ABCA12: variants seen among roughly 807,000 people sequenced by gnomAD.
The protein encoded by ABCA12 is ATP binding cassette subfamily A member 12, also known as glucosylceramide transporter ABCA12.
In ABCA12, 156 loss-of-function variants were observed where a neutral mutation model predicts 293.5. The ratio of observed to expected loss-of-function variants is 0.53; its 90% confidence interval spans 0.47 to 0.61. ABCA12 has a LOEUF of 0.61. Among genes scored for constraint, ABCA12 ranks in the 20% least tolerant of loss-of-function variants. The probability of loss-of-function intolerance (pLI) is 0.00; values close to 1 mark genes in which losing one functional copy is unlikely to be tolerated. For synonymous variants in ABCA12, 1,063 were observed against 1,108.0 expected, an observed-to-expected ratio of 0.96 and a Z score of 0.81; for missense variants, 2,797 against 3,090.2, an observed-to-expected ratio of 0.91 and a Z score of 2.25.
intron 2 of ABCA12, among the ~76,000 whole-genome samples, chr2:215,071,433 C>T (rs1701737019): frequency 6.6e-6 from 1 of 151,222 alleles, no homozygotes; most frequent in Non-Finnish European, 1.5e-5. Flanking sequence ...CAAACATAAA[C>T]AATAAAATGC....
chr2:215,112,496 TG>T (rs1702595928), intron 1 of ABCA12, among the ~76,000 whole-genome samples: 2 of 122,358 alleles, frequency 1.6e-5, no homozygotes, highest in Middle Eastern at 4.3e-3. Flanking sequence ...GTTTTTTTTT[TG>T]TTTTTTTTTG....
In ABCA12 at chr2:214,937,505, C is replaced by T; in HGVS notation, c.7542+5G>A. 1 of 1,611,414 alleles carries T rather than the reference C, an allele frequency of 6.2e-7. No individual in the cohort carries two copies. Among genetic ancestry groups the T allele is most frequent in the South Asian group, 1.1e-5 (1 of 91,024 alleles). On this transcript the variant is annotated splice_donor_5th_base_variant and intron_variant, in intron 51 of 52. Coordinates refer to ENST00000272895, the MANE Select transcript of ABCA12 (RefSeq NM_173076.3). ...GAGCCACTGCACCCAGCCATCATCA[C>T]TTACTTTTAAGTATGTTTTTGGAAA...
intron 1 of ABCA12, among the ~76,000 whole-genome samples, chr2:215,126,136 G>T (rs992143872): frequency 3.9e-5 from 6 of 152,100 alleles, no homozygotes; most frequent in African/African-American, 1.4e-4. Context: ...TGCATCCCTG[G>T]TATGAAACCC....
In ABCA12 at chr2:215,033,742, T is replaced by C. The variant is rs191839158; in HGVS notation, c.986-1846A>G. Among the ~76,000 whole-genome samples, 967 of 151,978 alleles carry C rather than the reference T, an allele frequency of 6.4e-3. 9 individuals carry two copies. Among genetic ancestry groups the C allele is most frequent in the Non-Finnish European group, 9.1e-3 (621 of 67,954 alleles). ...ACATCACGAGGTCAGGAGATCGAGA[T>C]CATCCTGGCTAACACGGTGACACCC... On this transcript the variant is annotated intron_variant, in intron 8 of 52. Coordinates refer to ENST00000272895, the MANE Select transcript of ABCA12 (RefSeq NM_173076.3).
intron 2 of ABCA12, among the ~76,000 whole-genome samples, chr2:215,104,434 G>T (rs1702421238): frequency 6.6e-6 from 1 of 152,222 alleles, no homozygotes; most frequent in African/African-American, 2.4e-5. Flanking sequence ...GGAGCTGGGG[G>T]AGATGGACCA....
intron 7 of ABCA12, among the ~76,000 whole-genome samples, chr2:215,038,624 T>C (rs192881267): frequency 6.6e-6 from 1 of 152,318 alleles, no homozygotes; most frequent in Non-Finnish European, 1.5e-5. Context: ...TTCTCAGGTG[T>C]TGGGTTACTT....
At chr2:214,938,321 T>A (rs563925114) in intron 50 of ABCA12, among the ~76,000 whole-genome samples, 7 of 152,294 alleles carry the variant, frequency 4.6e-5, no homozygotes, top group African/African-American at 1.4e-4. Flanking sequence ...ACCATAGTAT[T>A]CCATGGGGTA....
intron 48 of ABCA12, 63 bp from the exon 49 acceptor site, chr2:214,945,167 T>C: frequency 7.6e-7 from 1 of 1,313,216 alleles, no homozygotes; most frequent in Non-Finnish European, 1.1e-6. Flanking sequence ...GTTCTTTTCA[T>C]GAATTACTGC....
In ABCA12 at chr2:214,950,999, A is replaced by C; in HGVS notation, c.6732T>G (p.Val2244=). The C allele has an allele frequency of 6.2e-7, 1 of 1,614,068 alleles. No individual in the cohort carries two copies. Among genetic ancestry groups the C allele is most frequent in the South Asian group, 1.1e-5 (1 of 91,080 alleles). The stretch of plus-strand genomic sequence containing the variant: ...AGTCAAATTCAGCTGCACCACTCTC[A>C]ACTCTTAATCTCTCAGCCCGCACAT... ...DEDVRAERLR[V]ESGAAEFDLV... Residue 2244 remains valine (V), a synonymous_variant, in exon 45 of 53, where the codon GTT becomes GTG. Transcript: ENST00000272895.
At chr2:215,102,598 C>CA (rs1702382385) in intron 2 of ABCA12, among the ~76,000 whole-genome samples, 1 of 152,118 alleles carries the variant, frequency 6.6e-6, no homozygotes, top group African/African-American at 2.4e-5. Context: ...GACCCTGTCT[C>CA]AAAAAAATAA....
chr2:214,982,945 T>TC (rs1298324409), intron 29 of ABCA12, among the ~76,000 whole-genome samples: 6 of 152,172 alleles, frequency 3.9e-5, no homozygotes, highest in Non-Finnish European at 8.8e-5. Context: ...ATGGTAGTCA[T>TC]CTCAGAAAAG....
Position 214,958,374 on chromosome 2 carries a change from T to C in ABCA12, c.6020A>G (p.Tyr2007Cys). 1 of 1,613,958 alleles carries C rather than the reference T, an allele frequency of 6.2e-7. No homozygotes were observed. Among genetic ancestry groups the C allele is most frequent in the East Asian group, 2.2e-5 (1 of 44,868 alleles). Residue 2007 changes from tyrosine to cysteine, a missense_variant, in exon 41 of 53, where the codon TAT (tyrosine) becomes TGT (cysteine). By Grantham distance (194) the Tyr-to-Cys change is radical (BLOSUM62 -2). Coordinates refer to ENST00000272895, the MANE Select transcript of ABCA12 (RefSeq NM_173076.3). ...TTTGGTTTGATGTTCCCTTACAACA[T>C]AGGTGACAAAGCTGGCGGTGGTGAC... ...YSVTTASFVT[Y>C]VVREHQTKAK...
chr2:215,069,485 ATCT>A (rs1026034170), intron 2 of ABCA12, among the ~76,000 whole-genome samples: 1 of 152,050 alleles, frequency 6.6e-6, no homozygotes, highest in Non-Finnish European at 1.5e-5. Context: ...TTTTTTTTAA[ATCT>A]TCTTGTAGTT....
At chr2:215,014,730 G>A (rs1198433597) in intron 15 of ABCA12, among the ~76,000 whole-genome samples, 1 of 152,174 alleles carries the variant, frequency 6.6e-6, no homozygotes, top group East Asian at 1.9e-4. Flanking sequence ...TTTATAACTA[G>A]TCCAAAACAT....
intron 48 of ABCA12, 119 bp downstream of exon 48, chr2:214,947,303 A>T: frequency 1.4e-6 from 2 of 1,415,468 alleles, no homozygotes; most frequent in Non-Finnish European, 2.0e-6. Context: ...CACAATAGCT[A>T]GCACATAGTG....
In ABCA12 at chr2:215,114,540, G is replaced by A. The variant is rs540248393; in HGVS notation, c.70-2850C>T. On this transcript the variant is annotated intron_variant, in intron 1 of 52. Coordinates refer to ENST00000272895, the MANE Select transcript of ABCA12 (RefSeq NM_173076.3). ...CAGGAGACAAGGATCTGAATCCCAA[G>A]ATACATAGGAGGCCAGGATTCTTTT... Among the ~76,000 whole-genome samples, 282 of 152,220 alleles carry A rather than the reference G, an allele frequency of 1.9e-3. 2 individuals are homozygous for A. Among genetic ancestry groups the A allele is most frequent in the African/African-American group, 6.3e-3 (261 of 41,550 alleles).
At chr2:215,054,457 G>A (rs866382167) in intron 4 of ABCA12, 116 bp downstream of exon 4, 1 of 889,454 alleles carries the variant, frequency 1.1e-6, no homozygotes, top group Middle Eastern at 2.2e-4. Context: ...GATCTCACAG[G>A]GCTATTCTAA....
chr2:215,048,416 C>CT (rs1701246114), intron 6 of ABCA12, among the ~76,000 whole-genome samples: 2 of 141,584 alleles, frequency 1.4e-5, no homozygotes, highest in African/African-American at 6.4e-5. Flanking sequence ...ACAGAATCAG[C>CT]CGGTGCAGTG....
chr2:215,090,356 C>G (rs1452093923), intron 2 of ABCA12, among the ~76,000 whole-genome samples: 1 of 152,132 alleles, frequency 6.6e-6, no homozygotes, highest in African/African-American at 2.4e-5. Flanking sequence ...AGACCAGTCC[C>G]CTGTCCTTGT....
Sources: gnomAD v4.1 joint callset for allele counts (sites outside exome capture counted in the v4.1 genomes callset) on GRCh38, gnomAD v4.1.1 for gene constraint, MANE v1.5 for transcripts, NCBI Gene and HGNC (gene_info 2026-07-23, HGNC 2026-07-21) for gene names.